Variants in USH2A observed in about 807,000 individuals in gnomAD.
USH2A encodes Usher syndrome 2A (autosomal recessive, mild).
A neutral mutation model predicts 538.9 loss-of-function variants in USH2A; 443 were observed. The observed-to-expected ratio is 0.82, with a 90% CI of 0.76 to 0.89. The LOEUF is 0.89. USH2A is among the 40% of genes least tolerant of loss of function. The probability of loss-of-function intolerance (pLI) is 0.00; values close to 1 mark genes in which losing one functional copy is unlikely to be tolerated. For synonymous variants in USH2A, 2,413 were observed against 2,273.5 expected (o/e 1.06, Z -1.75); for missense variants, 6,633 against 6,324.8 (o/e 1.05, Z -1.65).
In USH2A at chr1:215,671,287, T is replaced by C. The variant is rs1447137204; in HGVS notation, c.13818A>G (p.Glu4606=). The C allele has an allele frequency of 6.2e-7, 1 of 1,613,872 alleles. No individual in the cohort carries two copies. Among genetic ancestry groups the C allele is most frequent in the African/African-American group, 1.3e-5 (1 of 74,876 alleles). ...VNQLKPFHRY[E]IRIQACTTLG... The stretch of plus-strand genomic sequence containing the variant: ...GGGTGGTGCACGCTTGAATTCGTAT[T>C]TCATACCTTCAGGACATAAGGCAGA... Residue 4606 remains glutamate (E), a synonymous_variant, in exon 64 of 72, where the codon GAA becomes GAG. Transcript: ENST00000307340.
chr1:215,715,150 C>G (rs191947530), intron 61 of USH2A, among the ~76,000 whole-genome samples: 30 of 152,192 alleles, frequency 2.0e-4, no homozygotes, highest in Admixed American at 7.9e-4. Context: ...CCCTCACCCC[C>G]CTAATAGGCC....
At chr1:216,397,553 G>T (rs1334008806) in intron 3 of USH2A, among the ~76,000 whole-genome samples, 1 of 152,226 alleles carries the variant, frequency 6.6e-6, no homozygotes, top group African/African-American at 2.4e-5. Context: ...GGGATATTCA[G>T]CTTGCAGGCT....
At chr1:216,211,688 T>A (rs2035244565) in intron 15 of USH2A, among the ~76,000 whole-genome samples, 1 of 152,202 alleles carries the variant, frequency 6.6e-6, no homozygotes, top group South Asian at 2.1e-4. Flanking sequence ...TCTATATGCC[T>A]ATTTAGACAT....
chr1:216,392,436 G>A (rs1346213305), intron 3 of USH2A, among the ~76,000 whole-genome samples: 1 of 141,606 alleles, frequency 7.1e-6, no homozygotes, highest in Non-Finnish European at 1.5e-5. Flanking sequence ...AGCTTGCAGT[G>A]AGCTGAGATC....
chr1:216,180,719 A>G (rs539738244), intron 20 of USH2A, among the ~76,000 whole-genome samples: 4 of 152,260 alleles, frequency 2.6e-5, no homozygotes, highest in Middle Eastern at 3.4e-3. Flanking sequence ...TTAAGAATAA[A>G]CAATTTTTCT....
intron 61 of USH2A, among the ~76,000 whole-genome samples, chr1:215,710,635 C>T (rs904895270): frequency 6.6e-6 from 1 of 152,044 alleles, no homozygotes; most frequent in Non-Finnish European, 1.5e-5. Flanking sequence ...TAAAACTACT[C>T]CTTAGACTAC....
chr1:216,090,541 C>A (rs2032274052), intron 22 of USH2A, among the ~76,000 whole-genome samples: 1 of 151,916 alleles, frequency 6.6e-6, no homozygotes, highest in African/African-American at 2.4e-5. Flanking sequence ...AGAAACATGA[C>A]CATCTGGCAA....
In USH2A at chr1:216,421,864, TG is replaced by T; in HGVS notation, c.472del (p.Gln158AsnfsTer4). 1 of 1,613,974 alleles carries T rather than the reference TG, an allele frequency of 6.2e-7. No homozygotes were observed. The highest frequency in any genetic ancestry group is 8.5e-7 in the Non-Finnish European group (1 of 1,179,880). ...FTLAVWLKPE[Q>X]QGVMCVIEKT... is the part of the protein sequence containing the mutation. ...CACTACTACTTACATTACACCTTGT[TG>T]CTCAGGTTTCAGCCATACAGCTAAG... On this transcript the variant is annotated frameshift_variant, in exon 2 of 72. Coordinates refer to ENST00000307340, the MANE Select transcript of USH2A (RefSeq NM_206933.4). LOFTEE classifies it high-confidence loss of function.
chr1:215,877,815 C>A lies in USH2A; in HGVS notation c.8624G>T (p.Arg2875Leu), dbSNP rs12118814. ...AGTTCCTGAATAAATATTGTGCCAC[C>A]GATTTAAATCTTCTGGGGGATTTGA... ...LASNPPEDLNRWHNIYSGTQW... is the reference protein window; with the variant it reads ...LASNPPEDLNLWHNIYSGTQW... The change falls in exon 43 of 72, where the codon CGG (arginine) becomes CTG (leucine). Residue 2875 changes from arginine to leucine, a missense_variant. By Grantham distance (102) the Arg-to-Leu change is moderately radical (BLOSUM62 -2). Transcript: ENST00000307340. The A allele has an allele frequency of 6.2e-7, 1 of 1,613,630 alleles. No homozygotes were observed. The highest frequency in any genetic ancestry group is 8.5e-7 in the Non-Finnish European group (1 of 1,179,720).
intron 61 of USH2A, among the ~76,000 whole-genome samples, chr1:215,693,146 A>G (rs1407741771): frequency 7.3e-6 from 1 of 136,534 alleles, no homozygotes; most frequent in Non-Finnish European, 1.6e-5. Flanking sequence ...ACACACACAC[A>G]TATGTATTTT....
chr1:216,379,082 T>C (rs2102730962), intron 3 of USH2A, among the ~76,000 whole-genome samples: 1 of 152,232 alleles, frequency 6.6e-6, no homozygotes. Flanking sequence ...TGCTCCAAAA[T>C]CAGGTCAAAT....
chr1:215,711,482 G>T (rs1659335806), intron 61 of USH2A, among the ~76,000 whole-genome samples: 1 of 152,146 alleles, frequency 6.6e-6, no homozygotes, highest in Admixed American at 6.5e-5. Flanking sequence ...ATTTTAGGAA[G>T]AAAATGTATT....
Position 215,781,237 on chromosome 1 carries a change from G to A in USH2A, c.10740+805C>T, listed in dbSNP as rs187501071. Among the ~76,000 whole-genome samples the A allele has an allele frequency of 2.9e-3, 444 of 152,036 alleles. 2 individuals carry two copies. The highest frequency in any genetic ancestry group is 6.8e-3 in the Middle Eastern group (2 of 294). On this transcript the variant is annotated intron_variant, in intron 54 of 71. Coordinates refer to ENST00000307340, the MANE Select transcript of USH2A (RefSeq NM_206933.4). ...GAAACTTCAGTCACCTCTCAATCTG[G>A]TTTCTGACCAGATATTTTCACATAA...
chr1:215,759,073 G>A (rs10864196), intron 57 of USH2A, among the ~76,000 whole-genome samples: 2 of 152,064 alleles, frequency 1.3e-5, no homozygotes, highest in African/African-American at 2.4e-5. Flanking sequence ...TAAATAGGTT[G>A]GAGTTCAGGG....
intron 14 of USH2A, among the ~76,000 whole-genome samples, chr1:216,223,843 C>T (rs530530321): frequency 6.6e-6 from 1 of 152,108 alleles, no homozygotes; most frequent in Non-Finnish European, 1.5e-5. Flanking sequence ...AGAGAAAAGA[C>T]CAATTGAGAT....
intron 70 of USH2A, chr1:215,630,346 C>T: frequency 2.2e-6 from 1 of 446,286 alleles, no homozygotes; most frequent in East Asian, 7.0e-5. Context: ...ATTATCATAC[C>T]CATATTTAAT....
chr1:215,907,777 TG>T (rs780190469), intron 38 of USH2A, among the ~76,000 whole-genome samples: 2 of 151,986 alleles, frequency 1.3e-5, no homozygotes, highest in Non-Finnish European at 2.9e-5. Flanking sequence ...AGAGATACCA[TG>T]GTGCCCAACA....
chr1:216,227,915 G>A (rs1045205754), intron 14 of USH2A, among the ~76,000 whole-genome samples: 5 of 152,118 alleles, frequency 3.3e-5, no homozygotes, highest in Admixed American at 1.3e-4. Flanking sequence ...TAGGGTGATC[G>A]TCTCTGGAGC....
intron 4 of USH2A, among the ~76,000 whole-genome samples, chr1:216,336,836 G>A (rs1170434055): frequency 6.6e-6 from 1 of 151,468 alleles, no homozygotes; most frequent in African/African-American, 2.4e-5. Flanking sequence ...AATTCTTTGT[G>A]ACCTTGACTT....
Sources: allele counts gnomAD v4.1 joint callset (sites outside exome capture counted in the v4.1 genomes callset), GRCh38; gene constraint gnomAD v4.1.1; transcripts MANE v1.5; gene names NCBI Gene and HGNC (gene_info 2026-07-23, HGNC 2026-07-21).